B3GAT2: variants seen among roughly 807,000 people sequenced by gnomAD.
B3GAT2 encodes galactosylgalactosylxylosylprotein 3-beta-glucuronosyltransferase 2.
Under a neutral mutation model 27.8 loss-of-function variants are expected in B3GAT2, and 26 were observed. That is an observed-to-expected ratio of 0.93 (90% CI 0.68 to 1.30). B3GAT2 has a LOEUF of 1.30. Among genes scored for constraint, B3GAT2 ranks in the 50% most tolerant of loss-of-function variants. B3GAT2 has a pLI of 0.00. For synonymous variants in B3GAT2, 218 were observed against 195.1 expected, an observed-to-expected ratio of 1.12 and a Z score of -0.98; for missense variants, 458 against 459.0, an observed-to-expected ratio of 1.00 and a Z score of 0.02.
At chr6:70,955,422 C>G (rs1246666853) in intron 1 of B3GAT2, among the ~76,000 whole-genome samples, 1 of 149,176 alleles carries the variant, frequency 6.7e-6, no homozygotes, top group Non-Finnish European at 1.5e-5. Context: ...CCACCACCCC[C>G]ACCCCTCCAC....
intron 1 of B3GAT2, among the ~76,000 whole-genome samples, chr6:70,896,910 T>C (rs9346404): frequency 0.041 from 6,213 of 152,296 alleles, 271 homozygotes; most frequent in African/African-American, 0.1. Flanking sequence ...TTCTCTTTTT[T>C]TTAAGATAAA....
intron 1 of B3GAT2, among the ~76,000 whole-genome samples, chr6:70,909,820 G>A (rs776060216): frequency 2.0e-5 from 3 of 152,148 alleles, no homozygotes; most frequent in Non-Finnish European, 2.9e-5. Flanking sequence ...TTTGGCACAT[G>A]TGTGACTTTA....
At chr6:70,920,213 C>T (rs970189590) in intron 1 of B3GAT2, among the ~76,000 whole-genome samples, 4 of 152,194 alleles carry the variant, frequency 2.6e-5, no homozygotes, top group African/African-American at 7.2e-5. Context: ...GCACCATGAG[C>T]GTGGGACCCA....
intron 2 of B3GAT2, among the ~76,000 whole-genome samples, chr6:70,887,055 T>C (rs1389956604): frequency 1.3e-5 from 2 of 152,202 alleles, no homozygotes; most frequent in Non-Finnish European, 2.9e-5. Flanking sequence ...AACTTTATAG[T>C]TCTCATAGAA....
chr6:70,895,833 C>T (rs1772374579), intron 1 of B3GAT2, among the ~76,000 whole-genome samples: 1 of 147,412 alleles, frequency 6.8e-6, no homozygotes, highest in Non-Finnish European at 1.5e-5. Flanking sequence ...ACTTTTACAA[C>T]TTTTTTTTTT....
chr6:70,893,150 G>T (rs765377541), intron 2 of B3GAT2, among the ~76,000 whole-genome samples: 3 of 152,270 alleles, frequency 2.0e-5, no homozygotes, highest in East Asian at 1.9e-4. Context: ...GATGACTCCT[G>T]GTATTCTTCG....
At chr6:70,940,843 G>C (rs73745721) in intron 1 of B3GAT2, among the ~76,000 whole-genome samples, 3 of 152,084 alleles carry the variant, frequency 2.0e-5, no homozygotes, top group South Asian at 2.1e-4. Flanking sequence ...CAGGGGAATC[G>C]CTTCAATCCA....
At position 70,858,238 on chromosome 6, in the gene B3GAT2, CA is replaced by C. The variant is rs759082926; in HGVS notation, c.*3424del. ...AGTGGAGCCTCTCACAGGTAGGGGT[CA>C]TTTACTTTCTAGCTTCTCCCAAATC... On this transcript the variant is annotated 3_prime_UTR_variant, in exon 4 of 4. Coordinates refer to ENST00000230053, the MANE Select transcript of B3GAT2 (RefSeq NM_080742.3). 3.5e-6 allele frequency: 5 copies of C among 1,427,620 alleles called. No individual in the cohort carries two copies. The Admixed American group carries it at 9.6e-5, about 27-fold the overall frequency. The allele number at this position is 1,427,620 out of a possible 1,614,324, so 88.4% of individuals were successfully genotyped here.
rs925579394 is a variant in B3GAT2 at position 70,885,609 on chromosome 6, G to C, written c.736+8519C>G. Among the ~76,000 whole-genome samples the C allele has an allele frequency of 7.9e-5, 12 of 152,258 alleles. No individual in the cohort carries two copies. The South Asian group carries it at 1.2e-3, about 16-fold the overall frequency. ...AGAAGAGAAATGAAGTTCATCATGA[G>C]CCCACAGCGGAGTTCAAATGTTCTT... On this transcript the variant is annotated intron_variant, in intron 2 of 3. Transcript: ENST00000230053.
intron 1 of B3GAT2, among the ~76,000 whole-genome samples, chr6:70,934,451 C>T (rs542843264): frequency 1.3e-5 from 2 of 149,534 alleles, no homozygotes; most frequent in South Asian, 4.4e-4. Context: ...ATGCACTGTC[C>T]CACCTAATAT....
chr6:70,856,961 A>C lies in B3GAT2; in HGVS notation c.*4702T>G. The C allele has an allele frequency of 6.2e-7, 1 of 1,614,034 alleles. No individual in the cohort carries two copies. Among genetic ancestry groups the C allele is most frequent in the Admixed American group, 1.7e-5 (1 of 60,024 alleles). The stretch of plus-strand genomic sequence containing the variant: ...TACAAAATCAGAAGAAGTGGCAAAG[A>C]AACAACTTTCCAAAGACTCCATCTT... On this transcript the variant is annotated 3_prime_UTR_variant, in exon 4 of 4. Coordinates refer to ENST00000230053, the MANE Select transcript of B3GAT2 (RefSeq NM_080742.3).
intron 1 of B3GAT2, among the ~76,000 whole-genome samples, chr6:70,940,223 T>C (rs1765368129): frequency 6.6e-6 from 1 of 152,126 alleles, no homozygotes; most frequent in Admixed American, 6.5e-5. Context: ...CTGGACTAAA[T>C]AAGCTTTAGA....
intron 2 of B3GAT2, among the ~76,000 whole-genome samples, chr6:70,871,534 T>A (rs1317853139): frequency 6.6e-6 from 1 of 151,968 alleles, no homozygotes; most frequent in East Asian, 1.9e-4. Context: ...TACAATTTTT[T>A]AAAGTATTCT....
rs762917001 is a variant in B3GAT2 at position 70,860,892 on chromosome 6, T to C, written c.*771A>G. On this transcript the variant is annotated 3_prime_UTR_variant, in exon 4 of 4. Coordinates refer to ENST00000230053, the MANE Select transcript of B3GAT2 (RefSeq NM_080742.3). ...GTGATTAGTGAAAGGAAGATAAACG[T>C]GGATGTTACTCCAAAACTTCGTTTA... 28 of 390,694 alleles carry C rather than the reference T, an allele frequency of 7.2e-5. No individual in the cohort carries two copies. Among genetic ancestry groups the C allele is most frequent in the Non-Finnish European group, 1.2e-4 (27 of 221,226 alleles). 24.2% of individuals were successfully genotyped at this position (390,694 alleles called of 1,614,324 possible).
At chr6:70,881,906 T>G (rs1254967542) in intron 2 of B3GAT2, among the ~76,000 whole-genome samples, 4 of 152,220 alleles carry the variant, frequency 2.6e-5, no homozygotes, top group Non-Finnish European at 5.9e-5. Flanking sequence ...ATTGTACATG[T>G]CCTTTTCTGT....
intron 2 of B3GAT2, among the ~76,000 whole-genome samples, chr6:70,883,114 C>T (rs1186607781): frequency 6.6e-6 from 1 of 152,146 alleles, no homozygotes; most frequent in African/African-American, 2.4e-5. Flanking sequence ...TGGAACCTTC[C>T]TGCATTGCTG....
chr6:70,875,919 A>C (rs1250089797), intron 2 of B3GAT2, among the ~76,000 whole-genome samples: 1 of 152,252 alleles, frequency 6.6e-6, no homozygotes, highest in East Asian at 1.9e-4. Flanking sequence ...CTAAGGAAAC[A>C]ATCAGGATGC....
In B3GAT2 at chr6:70,860,431, T is replaced by G. The variant is rs1310113226; in HGVS notation, c.*1232A>C. 3 of 1,414,056 alleles carry G rather than the reference T, an allele frequency of 2.1e-6. No individual in the cohort carries two copies. The highest frequency in any genetic ancestry group is 2.9e-5 in the African/African-American group (2 of 69,402). 87.6% of individuals were successfully genotyped at this position (1,414,056 alleles called of 1,614,324 possible). On this transcript the variant is annotated 3_prime_UTR_variant, in exon 4 of 4. Coordinates refer to ENST00000230053, the MANE Select transcript of B3GAT2 (RefSeq NM_080742.3). Reference sequence around the variant, plus strand: ...TTATTCATATGCATATTTTTTTTCTTTTTACCCATTTGTTCATATTAAGAA... The same window carrying G: ...TTATTCATATGCATATTTTTTTTCTGTTTACCCATTTGTTCATATTAAGAA...
chr6:70,919,790 C>A (rs1003422660), intron 1 of B3GAT2, among the ~76,000 whole-genome samples: 18 of 152,084 alleles, frequency 1.2e-4, no homozygotes, highest in African/African-American at 4.3e-4. Context: ...GAGGGGCACC[C>A]GCCTGTATGA....
Sources: allele counts gnomAD v4.1 joint callset (sites outside exome capture counted in the v4.1 genomes callset), GRCh38; gene constraint gnomAD v4.1.1; transcripts MANE v1.5; gene names NCBI Gene and HGNC (gene_info 2026-07-23, HGNC 2026-07-21).